PTPRM: variants seen among roughly 807,000 people sequenced by gnomAD.
PTPRM encodes the protein receptor-type tyrosine-protein phosphatase mu.
Under a neutral mutation model 186.7 loss-of-function variants are expected in PTPRM, and 47 were observed. That is an observed-to-expected ratio of 0.25 (90% CI 0.20 to 0.32). The LOEUF is 0.32. Among genes scored for constraint, PTPRM ranks in the 10% least tolerant of loss-of-function variants. PTPRM has a pLI of 1.00. For missense variants in PTPRM, 1,494 were observed against 1,865.0 expected, an observed-to-expected ratio of 0.80 and a Z score of 3.66; for synonymous variants, 668 against 674.9, an observed-to-expected ratio of 0.99 and a Z score of 0.16.
intron 11 of PTPRM, among the ~76,000 whole-genome samples, chr18:8,091,470 T>C (rs953339407): frequency 1.3e-5 from 2 of 152,182 alleles, no homozygotes; most frequent in East Asian, 3.8e-4. Flanking sequence ...CAGTAAGCAT[T>C]ATGGGGAAAC....
chr18:7,996,400 A>G (rs1037531635), intron 7 of PTPRM, among the ~76,000 whole-genome samples: 1 of 152,142 alleles, frequency 6.6e-6, no homozygotes, highest in African/African-American at 2.4e-5. Context: ...ATACCTCAGA[A>G]TTTTAAAGGC....
chr18:8,367,518 C>A (rs1035573045), intron 23 of PTPRM, among the ~76,000 whole-genome samples: 36 of 152,262 alleles, frequency 2.4e-4, no homozygotes, highest in Admixed American at 2.0e-4. Context: ...GCACCTGTTC[C>A]GCGGAAGCGC....
intron 19 of PTPRM, among the ~76,000 whole-genome samples, chr18:8,280,030 G>A (rs925708118): frequency 1.3e-5 from 2 of 149,800 alleles, no homozygotes; most frequent in South Asian, 2.3e-4. Context: ...GTGTGCAGCC[G>A]TGACTGGAAA....
chr18:8,238,778 G>A (rs1025560734), intron 14 of PTPRM, among the ~76,000 whole-genome samples: 2 of 145,802 alleles, frequency 1.4e-5, no homozygotes, highest in Non-Finnish European at 3.0e-5. Context: ...GAGGCACTCT[G>A]TAGTCATATG....
At chr18:7,955,907 T>C (rs542214233) in intron 7 of PTPRM, among the ~76,000 whole-genome samples, 1 of 152,340 alleles carries the variant, frequency 6.6e-6, no homozygotes, top group South Asian at 2.1e-4. Context: ...GGCCTGTTTG[T>C]ATCATAAGCA....
intron 2 of PTPRM, among the ~76,000 whole-genome samples, chr18:7,845,956 G>A (rs939598925): frequency 6.6e-6 from 1 of 152,134 alleles, no homozygotes; most frequent in African/African-American, 2.4e-5. Context: ...GGCCTCTGCT[G>A]ACCCTATTTG....
chr18:7,886,252 C>G (rs918753215), intron 2 of PTPRM, among the ~76,000 whole-genome samples: 6 of 152,212 alleles, frequency 3.9e-5, no homozygotes, highest in Non-Finnish European at 7.3e-5. Context: ...GAACGTCCTA[C>G]TCTGGATTTA....
At chr18:8,036,513 T>G (rs2086339897) in intron 7 of PTPRM, among the ~76,000 whole-genome samples, 1 of 152,186 alleles carries the variant, frequency 6.6e-6, no homozygotes, top group Non-Finnish European at 1.5e-5. Context: ...TTGGCTAAGG[T>G]GCAAAAATGG....
intron 1 of PTPRM, among the ~76,000 whole-genome samples, chr18:7,597,115 A>G (rs1368440967): frequency 6.6e-6 from 1 of 152,198 alleles, no homozygotes; most frequent in African/African-American, 2.4e-5. Flanking sequence ...TTGTCCTTCT[A>G]AAGTGCTGGG....
chr18:7,990,671 T>G (rs1400854887), intron 7 of PTPRM, among the ~76,000 whole-genome samples: 2 of 152,216 alleles, frequency 1.3e-5, no homozygotes, highest in South Asian at 2.1e-4. Flanking sequence ...TCCTTCAGGC[T>G]TAAACAGAGG....
rs866324260 is a variant in PTPRM at position 8,131,572 on chromosome 18, G to A, written c.2168-12075G>A. Among the ~76,000 whole-genome samples, 3 of 152,268 alleles carry A rather than the reference G, an allele frequency of 2.0e-5. No homozygotes were observed. The South Asian group carries it at 6.2e-4, about 32-fold the overall frequency. ...ATTTGAGGTTCCTTTGTCCCTCAGCGTCCTTAGTTTAGATGAGGATGCCTT... is the reference window on the plus strand; with the variant it reads ...ATTTGAGGTTCCTTTGTCCCTCAGCATCCTTAGTTTAGATGAGGATGCCTT... On this transcript the variant is annotated intron_variant, in intron 13 of 32. Coordinates refer to ENST00000580170, the MANE Select transcript of PTPRM (RefSeq NM_001105244.2).
At chr18:8,070,392 C>T (rs1276566906) in intron 8 of PTPRM, among the ~76,000 whole-genome samples, 1 of 115,978 alleles carries the variant, frequency 8.6e-6, no homozygotes, top group African/African-American at 3.0e-5. Flanking sequence ...AAATGGCATT[C>T]TGAAACATTT....
At chr18:7,955,089 T>C in intron 6 of PTPRM, 32 bp from the exon 7 acceptor site, 1 of 1,556,706 alleles carries the variant, frequency 6.4e-7, no homozygotes, top group Non-Finnish European at 8.7e-7. Flanking sequence ...AGACAAAGCA[T>C]CTGAAAGACA....
chr18:7,905,282 C>T (rs535562931), intron 3 of PTPRM, among the ~76,000 whole-genome samples: 5 of 152,140 alleles, frequency 3.3e-5, no homozygotes, highest in African/African-American at 4.8e-5. Flanking sequence ...CCTGAGCCAC[C>T]GCGCCCAGCC....
At chr18:7,829,537 GTGTTATAT>G in intron 2 of PTPRM, among the ~76,000 whole-genome samples, 1 of 152,280 alleles carries the variant, frequency 6.6e-6, no homozygotes, top group East Asian at 1.9e-4. Flanking sequence ...ACATAAGTTT[GTGTTATAT>G]TATTGAAATA....
rs555502021 is a variant in PTPRM, at chr18:7,806,733, A to G, written c.196+32462A>G. Among the ~76,000 whole-genome samples, 201 of 152,244 alleles carry G rather than the reference A, an allele frequency of 1.3e-3. No homozygotes were observed. In the South Asian group the frequency reaches 0.016, roughly 12 times the overall value. On this transcript the variant is annotated intron_variant, in intron 2 of 32. Coordinates refer to ENST00000580170, the MANE Select transcript of PTPRM (RefSeq NM_001105244.2). ...TTTCCCCCTTTCTCTTTAAATTTAGATGACCTTATTTTAGTTGCCTTTGTA... is the reference window on the plus strand; with the variant it reads ...TTTCCCCCTTTCTCTTTAAATTTAGGTGACCTTATTTTAGTTGCCTTTGTA...
At chr18:8,000,976 G>A (rs1335717197) in intron 7 of PTPRM, among the ~76,000 whole-genome samples, 2 of 152,164 alleles carry the variant, frequency 1.3e-5, no homozygotes, top group Non-Finnish European at 2.9e-5. Flanking sequence ...TAAATGGGTG[G>A]AACATTGCAG....
chr18:7,870,584 A>G (rs1317627559), intron 2 of PTPRM, among the ~76,000 whole-genome samples: 1 of 152,168 alleles, frequency 6.6e-6, no homozygotes, highest in Non-Finnish European at 1.5e-5. Context: ...TAACTGAAAG[A>G]TACCTTAACT....
intron 23 of PTPRM, among the ~76,000 whole-genome samples, chr18:8,355,611 A>G (rs1195822903): frequency 2.6e-5 from 4 of 152,208 alleles, no homozygotes; most frequent in South Asian, 4.1e-4. Flanking sequence ...AGAGTGGATC[A>G]TCCAAAGGCA....
Sources: allele counts gnomAD v4.1 joint callset (sites outside exome capture counted in the v4.1 genomes callset), GRCh38; gene constraint gnomAD v4.1.1; transcripts MANE v1.5; gene names NCBI Gene and HGNC (gene_info 2026-07-23, HGNC 2026-07-21).